GREB1: variants seen among roughly 807,000 people sequenced by gnomAD.
GREB1 encodes the protein growth regulating estrogen receptor binding 1, also known as protein GREB1.
Under a neutral mutation model 200.7 loss-of-function variants are expected in GREB1, and 106 were observed. The observed-to-expected ratio is 0.53, with a 90% CI of 0.45 to 0.62. The LOEUF is 0.62. GREB1 is among the 20% of genes least tolerant of loss of function. The pLI, the probability that GREB1 is intolerant of heterozygous loss-of-function variation, is 0.00. For missense variants in GREB1, 2,243 were observed against 2,556.8 expected, an observed-to-expected ratio of 0.88 and a Z score of 2.65; for synonymous variants, 1,132 against 1,092.4, an observed-to-expected ratio of 1.04 and a Z score of -0.72.
intron 5 of GREB1, 142 bp from the exon 6 acceptor site, chr2:11,578,155 A>G (rs1311270132): frequency 2.2e-5 from 20 of 917,186 alleles, no homozygotes; most frequent in Non-Finnish European, 3.0e-5. Flanking sequence ...TCACGCTGAA[A>G]CAAAGACCAG....
rs1677191723 is a variant in GREB1, at chr2:11,562,647, G to A, written c.277+65G>A. The A allele has an allele frequency of 1.1e-5, 16 of 1,495,330 alleles. No individual in the cohort carries two copies. In the East Asian group the frequency reaches 2.4e-4, roughly 23 times the overall value. The allele number at this position is 1,495,330 out of a possible 1,614,324, so 92.6% of individuals were successfully genotyped here. A position where few individuals can be genotyped will look rare whatever the true frequency, so the allele number is the denominator to read the frequency against. ...TGCTGCCCGGAGGCAGTGGCCAGGCGGGTGACTGGGCCTGTGACTGTGTGC... is the reference window on the plus strand; with the variant it reads ...TGCTGCCCGGAGGCAGTGGCCAGGCAGGTGACTGGGCCTGTGACTGTGTGC... On this transcript the variant is annotated intron_variant, in intron 3 of 32. Transcript: ENST00000381486.
In GREB1 at chr2:11,642,184, C is replaced by T. The variant is rs4669759; in HGVS notation, c.*1730C>T. Reference sequence around the variant, plus strand: ...AGGCTGGAGTGCAATGGTGCAATGACCTCGGCTCACTGCAACCTCTGCCTC... The same window carrying T: ...AGGCTGGAGTGCAATGGTGCAATGATCTCGGCTCACTGCAACCTCTGCCTC... On this transcript the variant is annotated 3_prime_UTR_variant, in exon 33 of 33. Coordinates refer to ENST00000381486, the MANE Select transcript of GREB1 (RefSeq NM_014668.4). The T allele has an allele frequency of 0.97, 146,968 of 152,180 alleles. 71,021 individuals are homozygous for T. Among genetic ancestry groups the T allele is most frequent in the East Asian group, 1 (5,171 of 5,172 alleles). 9.4% of individuals were successfully genotyped at this position (152,180 alleles called of 1,614,324 possible).
chr2:11,500,912 C>T (rs994428559), intron 1 of GREB1, among the ~76,000 whole-genome samples: 2 of 152,170 alleles, frequency 1.3e-5, no homozygotes, highest in African/African-American at 4.8e-5. Flanking sequence ...GACAGGCAAA[C>T]TGCAGTTGGG....
At chr2:11,522,438 A>G (rs187569510) in intron 1 of GREB1, among the ~76,000 whole-genome samples, 8 of 152,280 alleles carry the variant, frequency 5.3e-5, no homozygotes, top group Admixed American at 5.2e-4. Context: ...AGGCTTACTT[A>G]GGAAGTTGAA....
chr2:11,486,537 G>T (rs1157925464), intron 1 of GREB1, among the ~76,000 whole-genome samples: 1 of 151,854 alleles, frequency 6.6e-6, no homozygotes, highest in Admixed American at 6.6e-5. Context: ...TAAAATTTAA[G>T]AAAATACAGA....
At chr2:11,634,061 T>G in intron 28 of GREB1, 70 bp from the exon 29 acceptor site, 1 of 1,425,696 alleles carries the variant, frequency 7.0e-7, no homozygotes, top group Non-Finnish European at 9.9e-7. Context: ...GGTGCCACAC[T>G]GCCTGGTCCC....
chr2:11,626,850 A>G, intron 24 of GREB1, 112 bp from the exon 25 acceptor site: 1 of 1,125,812 alleles, frequency 8.9e-7, no homozygotes, highest in Non-Finnish European at 1.3e-6. Flanking sequence ...CCCCAACCAG[A>G]CAGAATCCTG....
rs749524420 is a variant in GREB1, at chr2:11,592,778, G to A, written c.1348G>A (p.Ala450Thr). Residue 450 changes from alanine (A) to threonine (T), a missense_variant and splice_region_variant, in exon 11 of 33, where the codon GCG becomes ACG. Ala to Thr is a moderately conservative substitution (Grantham distance 58). Coordinates refer to ENST00000381486, the MANE Select transcript of GREB1 (RefSeq NM_014668.4). ...LTVYYLVQLA[A>T]DQVPLMEDLE... ...CCTCCGCCCGCATTGTGTTGCAGCC[G>A]CGGACCAGGTGCCCTTGATGGAGGA... 3 of 1,516,986 alleles carry A rather than the reference G, an allele frequency of 2.0e-6. No homozygotes were observed. Among genetic ancestry groups the A allele is most frequent in the South Asian group, 2.7e-5 (2 of 75,322 alleles). 94.0% of individuals were successfully genotyped at this position (1,516,986 alleles called of 1,614,324 possible). A position where few individuals can be genotyped will look rare whatever the true frequency, so the allele number is the denominator to read the frequency against.
Position 11,638,742 on chromosome 2 carries a change from G to A in GREB1, c.5619G>A (p.Gly1873=). 6.2e-7 allele frequency: 1 copy of A among 1,614,024 alleles called. No homozygotes were observed. The highest frequency in any genetic ancestry group is 1.1e-5 in the South Asian group (1 of 91,070). ...NISCSDLLFS[G]LLLYLCDSFV... ...GCTGCTCGGACTTGCTGTTCAGTGG[G>A]CTGCTGCTGTACCTCTGTGACTCTT... Residue 1873 remains glycine (G), a synonymous_variant, in exon 32 of 33, where the codon GGG becomes GGA. Transcript: ENST00000381486.
At chr2:11,574,307 C>T (rs1327107166) in intron 4 of GREB1, among the ~76,000 whole-genome samples, 1 of 152,190 alleles carries the variant, frequency 6.6e-6, no homozygotes, top group African/African-American at 2.4e-5. Context: ...GGGAAAAAGA[C>T]ACAAATTTCA....
At chr2:11,551,673 G>A (rs1025269157) in intron 1 of GREB1, among the ~76,000 whole-genome samples, 1 of 152,180 alleles carries the variant, frequency 6.6e-6, no homozygotes, top group African/African-American at 2.4e-5. Flanking sequence ...CTCAAATGCT[G>A]TTCTTAGTTT....
intron 19 of GREB1, among the ~76,000 whole-genome samples, chr2:11,613,745 C>A (rs563046042): frequency 3.9e-5 from 6 of 152,178 alleles, no homozygotes. Flanking sequence ...TACCAGGTAC[C>A]TTCTGGTACC....
chr2:11,633,909 A>G lies in GREB1; in HGVS notation c.4992-222A>G, dbSNP rs1202273518. ...ACCTATGCCATGGAGTTGTTGTGAG[A>G]ATTGACTAAATTATGGTCTGCAAAT... On this transcript the variant is annotated intron_variant, in intron 28 of 32. Transcript: ENST00000381486. The surrounding 1 kb of genome is among the most constrained non-coding windows in gnomAD (Gnocchi z 4.1). 2.0e-5 allele frequency among the ~76,000 whole-genome samples: 3 copies of G among 152,172 alleles called. No homozygotes were observed. Among genetic ancestry groups the G allele is most frequent in the Non-Finnish European group, 2.9e-5 (2 of 68,032 alleles).
intron 17 of GREB1, among the ~76,000 whole-genome samples, chr2:11,607,534 A>G (rs1284014469): frequency 2.1e-5 from 1 of 46,656 alleles, no homozygotes; most frequent in African/African-American, 6.4e-5. Flanking sequence ...ATATACACAT[A>G]TATATACATA....
chr2:11,600,146 G>A (rs1344438908), intron 15 of GREB1, among the ~76,000 whole-genome samples: 1 of 152,168 alleles, frequency 6.6e-6, no homozygotes, highest in South Asian at 2.1e-4. Flanking sequence ...GGGGGAAATC[G>A]GAACATTCCG....
At position 11,629,879 on chromosome 2, in the gene GREB1, G is replaced by C; in HGVS notation, c.4450-69G>C. 6.8e-7 allele frequency: 1 copy of C among 1,478,892 alleles called. No individual in the cohort carries two copies. Among genetic ancestry groups the C allele is most frequent in the Non-Finnish European group, 9.4e-7 (1 of 1,068,786 alleles). 91.6% of individuals were successfully genotyped at this position (1,478,892 alleles called of 1,614,324 possible). A position where few individuals can be genotyped will look rare whatever the true frequency, so the allele number is the denominator to read the frequency against. ...GAGCTGCACGTTGTCACAGCAGAGT[G>C]GGCCTGGGGTCTTCTGGGAAGCAGG... On this transcript the variant is annotated intron_variant, in intron 25 of 32. Coordinates refer to ENST00000381486, the MANE Select transcript of GREB1 (RefSeq NM_014668.4). This position sits in a 1 kb window ranked among gnomAD's most constrained non-coding sequence, Gnocchi z 5.2.
intron 1 of GREB1, among the ~76,000 whole-genome samples, chr2:11,503,291 A>C (rs899004750): frequency 1.3e-5 from 2 of 152,072 alleles, no homozygotes; most frequent in African/African-American, 4.8e-5. Context: ...ATCTGTATCT[A>C]TTGCTTCGAG....
In GREB1 at chr2:11,492,127, T is replaced by C. The variant is rs1258497683; in HGVS notation, c.-159+9746T>C. Among the ~76,000 whole-genome samples the C allele has an allele frequency of 1.3e-5, 2 of 152,220 alleles. No individual in the cohort carries two copies. The highest frequency in any genetic ancestry group is 6.5e-5 in the Admixed American group (1 of 15,284). ...TGGTTGACTCCCTGCCTGGCTACCA[T>C]GCATCGTTTCCATGGTCATTTAACG... On this transcript the variant is annotated intron_variant, in intron 1 of 2. Coordinates refer to the GREB1 transcript ENST00000628795. This position sits in a 1 kb window ranked among gnomAD's most constrained non-coding sequence, Gnocchi z 4.0.
intron 1 of GREB1, among the ~76,000 whole-genome samples, chr2:11,512,908 C>T (rs968156137): frequency 6.6e-6 from 1 of 152,186 alleles, no homozygotes; most frequent in African/African-American, 2.4e-5. Context: ...CAAAGATAAT[C>T]AGGTCAAAAT....
Sources: gnomAD v4.1 joint callset for allele counts (sites outside exome capture counted in the v4.1 genomes callset) on GRCh38, gnomAD v4.1.1 for gene constraint, Gnocchi (gnomAD v3.1) non-coding constraint, MANE v1.5 for transcripts, NCBI Gene and HGNC (gene_info 2026-07-23, HGNC 2026-07-21) for gene names.